RAD21L1: variants seen among roughly 807,000 people sequenced by gnomAD.
RAD21L1 encodes the protein double-strand-break repair protein rad21-like protein 1.
In RAD21L1, 47 loss-of-function variants were observed where a neutral mutation model predicts 69.0. That is an observed-to-expected ratio of 0.68 (90% CI 0.54 to 0.87). RAD21L1 has a LOEUF of 0.87. Ranked by LOEUF, RAD21L1 falls within the 40% of genes least tolerant of loss-of-function variation. RAD21L1 has a pLI of 0.00. For synonymous variants in RAD21L1, 177 were observed against 205.8 expected (o/e 0.86, Z 1.20); for missense variants, 583 against 647.6 (o/e 0.90, Z 1.08).
At chr20:1,238,308 A>G (rs1331570618) in intron 6 of RAD21L1, 94 bp downstream of exon 6, 14 of 970,616 alleles carry the variant, frequency 1.4e-5, no homozygotes, top group Non-Finnish European at 1.7e-5. Flanking sequence ...AAAATTTCAA[A>G]TATGTTTTTG....
intron 13 of RAD21L1, among the ~76,000 whole-genome samples, chr20:1,251,198 A>G (rs1465589023): frequency 6.6e-6 from 1 of 152,150 alleles, no homozygotes; most frequent in African/African-American, 2.4e-5. Flanking sequence ...TTTCTCTCAG[A>G]TGTTGAAGGC....
rs1304207451 is a variant in RAD21L1 at position 1,234,094 on chromosome 20, T to A, written c.378T>A (p.Asp126Glu). 1 of 1,499,526 alleles carries A rather than the reference T, an allele frequency of 6.7e-7. No individual in the cohort carries two copies. Among genetic ancestry groups the A allele is most frequent in the Non-Finnish European group, 9.1e-7 (1 of 1,102,252 alleles). The allele number at this position is 1,499,526 out of a possible 1,614,324, so 92.9% of individuals were successfully genotyped here. Residue 126 changes from aspartate to glutamate, a missense_variant, in exon 5 of 14, where the codon GAT (aspartate) becomes GAA (glutamate). By Grantham distance (45) the Asp-to-Glu change is conservative. Transcript: ENST00000683101. ...TTCTATTTCTCCATAGTGCTATTGA[T>A]GTTTCAGAACACTTTACTCAGAACC... ...DFDTQNMNAI[D>E]VSEHFTQNQS...
chr20:1,240,613 C>T (rs1268087461), intron 8 of RAD21L1, among the ~76,000 whole-genome samples, 179 bp downstream of exon 8: 2 of 152,030 alleles, frequency 1.3e-5, no homozygotes, highest in African/African-American at 4.8e-5. Flanking sequence ...AGGTAGGAAG[C>T]GGGACTCAAC....
chr20:1,237,472 A>G (rs940614721), intron 5 of RAD21L1, among the ~76,000 whole-genome samples: 4 of 151,260 alleles, frequency 2.6e-5, no homozygotes, highest in African/African-American at 9.7e-5. Flanking sequence ...AATATAATAC[A>G]TACTATAAAC....
chr20:1,234,278 A>G, intron 5 of RAD21L1, 87 bp downstream of exon 5: 2 of 673,492 alleles, frequency 3.0e-6, no homozygotes, highest in Non-Finnish European at 5.3e-6. Flanking sequence ...AGACGTAGCT[A>G]TAGAATGAAT....
intron 8 of RAD21L1, 109 bp downstream of exon 8, chr20:1,240,543 A>G: frequency 2.8e-6 from 4 of 1,418,228 alleles, no homozygotes; most frequent in Non-Finnish European, 3.7e-6. Context: ...CAATCTAGTA[A>G]TAGCACTTGT....
intron 13 of RAD21L1, 146 bp from the exon 14 acceptor site, chr20:1,254,123 G>A (rs927851200): frequency 1.8e-6 from 1 of 555,582 alleles, no homozygotes. Flanking sequence ...GTTTACTAAG[G>A]AGTCATTTCC....
intron 5 of RAD21L1, among the ~76,000 whole-genome samples, chr20:1,235,770 C>T (rs1290063756): frequency 1.4e-5 from 2 of 143,662 alleles, no homozygotes; most frequent in Non-Finnish European, 3.1e-5. Flanking sequence ...ACTTTAGGAT[C>T]ACTTTTTTTT....
At chr20:1,253,022 CCTT>C (rs2087865529) in intron 13 of RAD21L1, among the ~76,000 whole-genome samples, 1 of 152,164 alleles carries the variant, frequency 6.6e-6, no homozygotes, top group Non-Finnish European at 1.5e-5. Context: ...AAAAAACTGT[CCTT>C]ATTCTCTCCC....
At chr20:1,251,664 A>G (rs56046688) in intron 13 of RAD21L1, among the ~76,000 whole-genome samples, 9,230 of 151,800 alleles carry the variant, frequency 0.061, 385 homozygotes, top group South Asian at 0.1. Flanking sequence ...TATCCTCTAT[A>G]TTAATTTCTT....
At chr20:1,243,308 T>A (rs1209052279) in intron 10 of RAD21L1, 112 bp downstream of exon 10, 1 of 568,822 alleles carries the variant, frequency 1.8e-6, no homozygotes, top group Non-Finnish European at 3.1e-6. Context: ...CAAGTATAAA[T>A]GCTAACTCTG....
chr20:1,245,150 G>A (rs7265644), intron 11 of RAD21L1, among the ~76,000 whole-genome samples: 7,643 of 152,220 alleles, frequency 0.05, 246 homozygotes, highest in South Asian at 0.095. Context: ...AAGAGAGATC[G>A]ATGTACCAGT....
rs80249428 is a variant in RAD21L1 at position 1,239,790 on chromosome 20, T to C, written c.742+383T>C. ...TTCATACGGAAGTACCTCAGATGATTTGAGGTATTTTAGTCTGATTTTTCT... is the reference window on the plus strand; with the variant it reads ...TTCATACGGAAGTACCTCAGATGATCTGAGGTATTTTAGTCTGATTTTTCT... On this transcript the variant is annotated intron_variant, in intron 7 of 13. Transcript: ENST00000683101. Among the ~76,000 whole-genome samples, 300 of 152,338 alleles carry C rather than the reference T, an allele frequency of 2.0e-3. 2 individuals carry two copies. The highest frequency in any genetic ancestry group is 6.9e-3 in the African/African-American group (287 of 41,584).
chr20:1,244,752 G>A (rs1213764511), intron 11 of RAD21L1, among the ~76,000 whole-genome samples: 1 of 152,036 alleles, frequency 6.6e-6, no homozygotes, highest in Non-Finnish European at 1.5e-5. Flanking sequence ...TTTATTGGTT[G>A]TACAAATATA....
intron 13 of RAD21L1, 22 bp from the exon 14 acceptor site, chr20:1,254,247 T>C (rs2087891065): frequency 2.8e-6 from 4 of 1,429,910 alleles, no homozygotes; most frequent in African/African-American, 1.4e-5. Flanking sequence ...ATTTCTTTTT[T>C]CTTTTCTAAT....
intron 6 of RAD21L1, among the ~76,000 whole-genome samples, chr20:1,238,970 C>T (rs1394813913): frequency 1.3e-5 from 2 of 151,952 alleles, no homozygotes; most frequent in Non-Finnish European, 2.9e-5. Context: ...ATTACAGGTG[C>T]CCACCACAAT....
rs1376916774 is a variant in RAD21L1 at position 1,244,095 on chromosome 20, C to A, written c.1233C>A (p.Pro411=). ...EPNYQQELSK[P]QTWKDVIGGS... The stretch of plus-strand genomic sequence containing the variant: ...ATTACCAGCAAGAGTTAAGTAAACC[C>A]CAAACTTGGAAGGATGTGATTGGTG... Residue 411 remains proline (P), a synonymous_variant, in exon 11 of 14, where the codon CCC becomes CCA. Transcript: ENST00000683101. 6.5e-7 allele frequency: 1 copy of A among 1,549,672 alleles called. No individual in the cohort carries two copies. The highest frequency in any genetic ancestry group is 2.0e-5 in the Admixed American group (1 of 50,964).
At chr20:1,241,370 T>A (rs2087604012) in intron 8 of RAD21L1, among the ~76,000 whole-genome samples, 1 of 152,250 alleles carries the variant, frequency 6.6e-6, no homozygotes, top group Non-Finnish European at 1.5e-5. Flanking sequence ...GTAGTAAGTA[T>A]GAATCTAATA....
chr20:1,238,465 A>G (rs2087543775), intron 6 of RAD21L1, among the ~76,000 whole-genome samples: 1 of 152,102 alleles, frequency 6.6e-6, no homozygotes, highest in Non-Finnish European at 1.5e-5. Flanking sequence ...TATTTTTACA[A>G]ATTCCTAATT....
Sources: gnomAD v4.1 joint callset for allele counts (sites outside exome capture counted in the v4.1 genomes callset) on GRCh38, gnomAD v4.1.1 for gene constraint, MANE v1.5 for transcripts, NCBI Gene and HGNC (gene_info 2026-07-23, HGNC 2026-07-21) for gene names.